The following RNASEH2C variants were observed in gnomAD, a reference collection of about 807,000 sequenced individuals.
RNASEH2C encodes the protein ribonuclease H2 subunit C.
RNASEH2C carries 20 observed loss-of-function variants against 16.3 expected under a neutral mutation model. The ratio of observed to expected loss-of-function variants is 1.23; its 90% CI spans 0.86 to 1.79. The LOEUF (loss-of-function observed/expected upper bound fraction) is 1.79. RNASEH2C is among the 40% of genes most tolerant of loss of function. The pLI, the probability that RNASEH2C is intolerant of heterozygous loss-of-function variation, is 0.00. For synonymous variants in RNASEH2C, 106 were observed against 98.9 expected, an observed-to-expected ratio of 1.07 and a Z score of -0.43; for missense variants, 296 against 235.9, an observed-to-expected ratio of 1.25 and a Z score of -1.67.
Position 65,720,726 on chromosome 11 carries a change from C to A in RNASEH2C, c.33G>T (p.Arg11Ser). Residue 11 changes from arginine to serine, a missense_variant, in exon 1 of 4, where the codon AGG becomes AGT. Coordinates refer to ENST00000308418, the MANE Select transcript of RNASEH2C (RefSeq NM_032193.4). MESGDEAAIERHRVHLRSATL... is the reference protein window; with the variant it reads MESGDEAAIESHRVHLRSATL... The stretch of plus-strand genomic sequence containing the variant: ...TGGCGGAGCGCAAGTGGACGCGGTG[C>A]CTCTCGATGGCCGCTTCGTCGCCGC... The A allele has an allele frequency of 1.9e-6, 3 of 1,597,552 alleles. No homozygotes were observed. The highest frequency in any genetic ancestry group is 2.6e-6 in the Non-Finnish European group (3 of 1,176,070).
chr11:65,720,769 A>G lies in RNASEH2C; in HGVS notation c.-11T>C, dbSNP rs370728253. On this transcript the variant is annotated 5_prime_UTR_variant, in exon 1 of 4. Coordinates refer to ENST00000308418, the MANE Select transcript of RNASEH2C (RefSeq NM_032193.4). ...GTCGCCGCTCTCCATCCTCCCTCCT[A>G]CGCGACGCCAGGGCTCGCGAGCTGA... 122 of 1,576,554 alleles carry G rather than the reference A, an allele frequency of 7.7e-5. No individual in the cohort carries two copies. Among genetic ancestry groups the G allele is most frequent in the Middle Eastern group, 2.1e-4 (1 of 4,754 alleles).
At position 65,718,708 on chromosome 11, in the gene RNASEH2C, G is replaced by C. The variant is rs1157347764; in HGVS notation, c.*1075C>G. 1 of 1,614,082 alleles carries C rather than the reference G, an allele frequency of 6.2e-7. No individual in the cohort carries two copies. Among genetic ancestry groups the C allele is most frequent in the Admixed American group, 1.7e-5 (1 of 60,004 alleles). On this transcript the variant is annotated 3_prime_UTR_variant, in exon 4 of 4. Coordinates refer to ENST00000308418, the MANE Select transcript of RNASEH2C (RefSeq NM_032193.4). ...AGACCATCCTGGAGATCCTGATGGG[G>C]CTGAAGTCGGAGAGCGGGGAGAGGC...
Position 65,719,525 on chromosome 11 carries a change from G to A in RNASEH2C, c.*258C>T, listed in dbSNP as rs554051. ...TTCTTTTGTAAAGTAGAAGTTGGGG[G>A]TGGGGTGGGTGCTGGCTGCAAAAAT... On this transcript the variant is annotated 3_prime_UTR_variant, in exon 4 of 4. Coordinates refer to ENST00000308418, the MANE Select transcript of RNASEH2C (RefSeq NM_032193.4). 2 of 613,982 alleles carry A rather than the reference G, an allele frequency of 3.3e-6. No individual in the cohort carries two copies. Among genetic ancestry groups the A allele is most frequent in the Non-Finnish European group, 5.7e-6 (2 of 348,768 alleles). The allele number at this position is 613,982 out of a possible 1,614,324, so 38.0% of individuals were successfully genotyped here. A position where few individuals can be genotyped will look rare whatever the true frequency, so the allele number is the denominator to read the frequency against.
rs1250752405 is a variant in RNASEH2C, at chr11:65,720,089, C to T, written c.424G>A (p.Ala142Thr). Reference protein sequence around the residue: ...WGLETIPGPDAKVRGALTWPS... With the variant: ...WGLETIPGPDTKVRGALTWPS... ...CAAGTTAAGGCCCCACGCACTTTGGCATCCGGGCCAGGGATGGTCTCCAGA... is the reference window on the plus strand; with the variant it reads ...CAAGTTAAGGCCCCACGCACTTTGGTATCCGGGCCAGGGATGGTCTCCAGA... Residue 142 changes from alanine to threonine, a missense_variant, in exon 3 of 4, where the codon GCC becomes ACC. Coordinates refer to ENST00000308418, the MANE Select transcript of RNASEH2C (RefSeq NM_032193.4). The T allele has an allele frequency of 4.3e-6, 7 of 1,614,064 alleles. No homozygotes were observed. The Admixed American group carries it at 8.3e-5, about 19-fold the overall frequency.
rs2135651181 is a variant in RNASEH2C, at chr11:65,719,770, C to G, written c.*13G>C. 1 of 1,614,056 alleles carries G rather than the reference C, an allele frequency of 6.2e-7. No homozygotes were observed. The highest frequency in any genetic ancestry group is 1.1e-5 in the South Asian group (1 of 91,082). On this transcript the variant is annotated 3_prime_UTR_variant, in exon 4 of 4. Coordinates refer to ENST00000308418, the MANE Select transcript of RNASEH2C (RefSeq NM_032193.4). Reference sequence around the variant, plus strand: ...GTGAAGGGATCGCAGCTTTGAATTTCAAGCTCTGGTTCTCAGTCCTCGGGC... The same window carrying G: ...GTGAAGGGATCGCAGCTTTGAATTTGAAGCTCTGGTTCTCAGTCCTCGGGC...
chr11:65,719,352 G>A lies in RNASEH2C; in HGVS notation c.*431C>T. The A allele has an allele frequency of 1.2e-6, 1 of 829,272 alleles. No homozygotes were observed. Among genetic ancestry groups the A allele is most frequent in the Non-Finnish European group, 1.8e-6 (1 of 545,510 alleles). 51.4% of individuals were successfully genotyped at this position (829,272 alleles called of 1,614,324 possible). ...CCACTGGTGCCCAGCACCAAGGCGA[G>A]CTCCGGGCTCAGACCAACTCCAAGG... On this transcript the variant is annotated 3_prime_UTR_variant, in exon 4 of 4. Transcript: ENST00000308418.
Position 65,720,785 on chromosome 11 carries a change from C to A in RNASEH2C, c.-27G>T, listed in dbSNP as rs549471118. On this transcript the variant is annotated 5_prime_UTR_variant, in exon 1 of 4. Coordinates refer to ENST00000308418, the MANE Select transcript of RNASEH2C (RefSeq NM_032193.4). ...CTCCCTCCTACGCGACGCCAGGGCT[C>A]GCGAGCTGACACTGAAGCTGGCGCG... 3.8e-4 allele frequency: 591 copies of A among 1,567,580 alleles called. 4 individuals are homozygous for A. Among genetic ancestry groups the A allele is most frequent in the Non-Finnish European group, 4.7e-4 (542 of 1,164,046 alleles).
In RNASEH2C at chr11:65,718,771, T is replaced by TG. The variant is rs1857294404; in HGVS notation, c.*1011dup. 1 of 1,613,956 alleles carries TG rather than the reference T, an allele frequency of 6.2e-7. No individual in the cohort carries two copies. ...TCAAGTGAGCCTGGCGCTGTCTACC[T>TG]GGGGGTACATGGCATGGCTTGTCTG... is the stretch of plus-strand genomic sequence containing the variant. On this transcript the variant is annotated 3_prime_UTR_variant, in exon 4 of 4. Transcript: ENST00000308418.
Position 65,720,353 on chromosome 11 carries a change from G to A in RNASEH2C, c.237C>T (p.Leu79=), listed in dbSNP as rs990468244. The change falls in exon 2 of 4, where the codon CTC becomes CTT. Residue 79 remains leucine, a synonymous_variant. Transcript: ENST00000308418. ...CTTCTGTCACCATCACGTATCCCAC[G>A]AGGCCAGGCGGCACCGCCACCTCCT... The part of the protein sequence containing the change: ...RGEEVAVPPG[L]VGYVMVTEEK... The A allele has an allele frequency of 6.2e-7, 1 of 1,614,186 alleles. No homozygotes were observed. Among genetic ancestry groups the A allele is most frequent in the East Asian group, 2.2e-5 (1 of 44,874 alleles).
rs1227632418 is a variant in RNASEH2C at position 65,719,733 on chromosome 11, TGGTTTAC to T, written c.*43_*49del. 3 of 1,603,602 alleles carry T rather than the reference TGGTTTAC, an allele frequency of 1.9e-6. No homozygotes were observed. The highest frequency in any genetic ancestry group is 2.6e-6 in the Non-Finnish European group (3 of 1,170,882). On this transcript the variant is annotated 3_prime_UTR_variant, in exon 4 of 4. Transcript: ENST00000308418. ...GGTGATGGAATCGGTTCCAAAGAGC[TGGTTTAC>T]TGCTGTGAAGGGATCGCAGCTTTGA...
chr11:65,719,279 A>T lies in RNASEH2C; in HGVS notation c.*504T>A. On this transcript the variant is annotated 3_prime_UTR_variant, in exon 4 of 4. Coordinates refer to ENST00000308418, the MANE Select transcript of RNASEH2C (RefSeq NM_032193.4). Reference sequence around the variant, plus strand: ...GCTCCCACAAAGCACTCTAAGGGAGATGGGGCTGAGGACAGCTCAAAAAGG... The same window carrying T: ...GCTCCCACAAAGCACTCTAAGGGAGTTGGGGCTGAGGACAGCTCAAAAAGG... 7.0e-7 allele frequency: 1 copy of T among 1,424,234 alleles called. No individual in the cohort carries two copies. Among genetic ancestry groups the T allele is most frequent in the Non-Finnish European group, 9.6e-7 (1 of 1,042,116 alleles). The allele number at this position is 1,424,234 out of a possible 1,614,324, so 88.2% of individuals were successfully genotyped here. A position where few individuals can be genotyped will look rare whatever the true frequency, so the allele number is the denominator to read the frequency against.
In RNASEH2C at chr11:65,718,543, G is replaced by A; in HGVS notation, c.*1240C>T. ...ACCTGTGTTTTTAAATGTTGCTTATGTTCATCTGTGACCTCTTACTCACCC... is the reference window on the plus strand; with the variant it reads ...ACCTGTGTTTTTAAATGTTGCTTATATTCATCTGTGACCTCTTACTCACCC... On this transcript the variant is annotated 3_prime_UTR_variant, in exon 4 of 4. Transcript: ENST00000308418. The A allele has an allele frequency of 6.3e-7, 1 of 1,583,572 alleles. No individual in the cohort carries two copies. Among genetic ancestry groups the A allele is most frequent in the Non-Finnish European group, 8.6e-7 (1 of 1,160,866 alleles).
Position 65,718,509 on chromosome 11 carries a change from G to T in RNASEH2C, c.*1274C>A, listed in dbSNP as rs1857283004. On this transcript the variant is annotated 3_prime_UTR_variant, in exon 4 of 4. Coordinates refer to ENST00000308418, the MANE Select transcript of RNASEH2C (RefSeq NM_032193.4). ...GGCCATGATAGGAACTAGGCAGCCT[G>T]CCTTGGCAACCTGTGTTTTTAAATG... 6.8e-7 allele frequency: 1 copy of T among 1,478,434 alleles called. No homozygotes were observed. Among genetic ancestry groups the T allele is most frequent in the Non-Finnish European group, 9.3e-7 (1 of 1,080,964 alleles). The allele number at this position is 1,478,434 out of a possible 1,614,324, so 91.6% of individuals were successfully genotyped here.
intron 1 of RNASEH2C, 42 bp from the exon 2 acceptor site, chr11:65,720,459 TG>T (rs1474140145): frequency 6.2e-7 from 1 of 1,607,886 alleles, no homozygotes; most frequent in East Asian, 2.2e-5. Flanking sequence ...GGACCCACGC[TG>T]GGTCGAGCCC....
Position 65,719,330 on chromosome 11 carries a change from C to T in RNASEH2C, c.*453G>A. ...AGAGGACAGGCCTGGCAGGGGCCCA[C>T]TGGTGCCCAGCACCAAGGCGAGCTC... On this transcript the variant is annotated 3_prime_UTR_variant, in exon 4 of 4. Coordinates refer to ENST00000308418, the MANE Select transcript of RNASEH2C (RefSeq NM_032193.4). The T allele has an allele frequency of 1.0e-6, 1 of 993,156 alleles. No individual in the cohort carries two copies. 61.5% of individuals were successfully genotyped at this position (993,156 alleles called of 1,614,324 possible).
Position 65,718,960 on chromosome 11 carries a change from G to GAGGC in RNASEH2C, c.*819_*822dup. ...ATCTCATCAACTACTACAAGGTAGG[G>GAGGC]AGGCAGGCAGGGGAGACAGGTGTGT... On this transcript the variant is annotated 3_prime_UTR_variant, in exon 4 of 4. Transcript: ENST00000308418. 2.5e-6 allele frequency: 4 copies of GAGGC among 1,614,138 alleles called. No homozygotes were observed. The South Asian group carries it at 4.4e-5, about 18-fold the overall frequency.
intron 2 of RNASEH2C, 33 bp from the exon 3 acceptor site, chr11:65,720,197 A>G (rs762842211): frequency 6.2e-6 from 10 of 1,614,222 alleles, no homozygotes; most frequent in African/African-American, 2.7e-5. Flanking sequence ...CATCGGGACT[A>G]CAGCTCCCGC....
intron 3 of RNASEH2C, 116 bp downstream of exon 3, chr11:65,719,929 G>C (rs560487341): frequency 2.5e-6 from 4 of 1,603,838 alleles, no homozygotes; most frequent in Admixed American, 1.7e-5. Context: ...AGGAAGAGTG[G>C]TCAGGGAGCT....
Position 65,719,089 on chromosome 11 carries a change from C to A in RNASEH2C, c.*694G>T. The A allele has an allele frequency of 6.2e-7, 1 of 1,614,192 alleles. No homozygotes were observed. The highest frequency in any genetic ancestry group is 8.5e-7 in the Non-Finnish European group (1 of 1,180,026). On this transcript the variant is annotated 3_prime_UTR_variant, in exon 4 of 4. Transcript: ENST00000308418. ...ACTGTCAGAGGACATCGTGGATGGC[C>A]ATGAGCGGGCCATGCTCAAGCGGCT...
Sources: allele counts gnomAD v4.1 joint callset, GRCh38; gene constraint gnomAD v4.1.1; transcripts MANE v1.5; gene names NCBI Gene and HGNC (gene_info 2026-07-23, HGNC 2026-07-21).